Variants in ATP10A observed in about 807,000 individuals in gnomAD.
The protein encoded by ATP10A is phospholipid-transporting ATPase VA.
Under a neutral mutation model 147.8 loss-of-function variants are expected in ATP10A, and 111 were observed. The ratio of observed to expected loss-of-function variants is 0.75; its 90% CI spans 0.64 to 0.88. The LOEUF (loss-of-function observed/expected upper bound fraction) is 0.88, where lower values mean the gene tolerates loss of function less well. Ranked by LOEUF, ATP10A falls within the 40% of genes least tolerant of loss-of-function variation. The pLI is 0.00. For synonymous variants in ATP10A, 875 were observed against 841.6 expected (o/e 1.04, Z -0.69); for missense variants, 1,927 against 1,959.0 (o/e 0.98, Z 0.31).
chr15:25,802,112 G>A lies in ATP10A; in HGVS notation c.450-20889C>T, dbSNP rs555795024. Among the ~76,000 whole-genome samples the A allele has an allele frequency of 2.4e-3, 373 of 152,258 alleles. 4 individuals carry two copies. Among genetic ancestry groups the A allele is most frequent in the African/African-American group, 8.3e-3 (343 of 41,552 alleles). ...TCCTGTGTTGACTCGGTAAAATGTT[G>A]CTTTTGGGCCAAAACTCTATTTGGG... On this transcript the variant is annotated intron_variant, in intron 1 of 20. Transcript: ENST00000555815.
chr15:25,778,640 T>G (rs140477274), intron 2 of ATP10A, among the ~76,000 whole-genome samples: 43 of 152,264 alleles, frequency 2.8e-4, no homozygotes, highest in East Asian at 2.7e-3. Flanking sequence ...TTTGACCAGA[T>G]CATGGCTCAA....
chr15:25,784,536 T>C (rs1890069806), intron 1 of ATP10A, among the ~76,000 whole-genome samples: 2 of 152,134 alleles, frequency 1.3e-5, no homozygotes, highest in South Asian at 4.1e-4. Flanking sequence ...CATGGAGAGA[T>C]GGGGGTGCCA....
chr15:25,674,133 T>C (rs1405152128), downstream of ATP10A, among the ~76,000 whole-genome samples: 1 of 152,172 alleles, frequency 6.6e-6, no homozygotes, highest in East Asian at 1.9e-4. Flanking sequence ...GGGCATGAGT[T>C]GCATGGTGCC....
intron 3 of ATP10A, among the ~76,000 whole-genome samples, chr15:25,732,558 CTT>C (rs36120691): frequency 3.6e-5 from 3 of 84,140 alleles, no homozygotes; most frequent in African/African-American, 9.2e-5. Context: ...GCGACACCTT[CTT>C]TTTTTTTTTT....
At position 25,714,328 on chromosome 15, in the gene ATP10A, A is replaced by G. The variant is rs1207295780; in HGVS notation, c.1777-87T>C. 2.4e-6 allele frequency: 3 copies of G among 1,250,022 alleles called. No homozygotes were observed. The African/African-American group carries it at 4.5e-5, about 19-fold the overall frequency. The allele number at this position is 1,250,022 out of a possible 1,614,324, so 77.4% of individuals were successfully genotyped here. A position where few individuals can be genotyped will look rare whatever the true frequency, so the allele number is the denominator to read the frequency against. On this transcript the variant is annotated intron_variant, in intron 9 of 20. Transcript: ENST00000555815. ...CTGGTTCCCACAGGATGCTCCAGGC[A>G]CTTGGAGGAACAATGACCTCGCTTC... is the stretch of plus-strand genomic sequence containing the variant.
intron 12 of ATP10A, among the ~76,000 whole-genome samples, chr15:25,703,039 T>A (rs1809527): frequency 6.6e-6 from 1 of 152,122 alleles, no homozygotes; most frequent in Non-Finnish European, 1.5e-5. Context: ...TGGGGCTCCC[T>A]CGATGGGATC....
chr15:25,698,506 T>C (rs1215274556), intron 13 of ATP10A, among the ~76,000 whole-genome samples: 1 of 150,380 alleles, frequency 6.6e-6, no homozygotes, highest in African/African-American at 2.4e-5. Flanking sequence ...TAGGTGGTAA[T>C]TGACTATTTG....
intron 1 of ATP10A, among the ~76,000 whole-genome samples, chr15:25,811,150 G>C (rs955615827): frequency 4.6e-5 from 7 of 152,206 alleles, no homozygotes; most frequent in Non-Finnish European, 7.3e-5. Flanking sequence ...TTCAGCGCGA[G>C]GTGGGACACA....
Position 25,716,731 on chromosome 15 carries a change from T to G in ATP10A, c.1775A>C (p.Lys592Thr), listed in dbSNP as rs1404591363. ...VVTSPDQPRT[K>T]VRVRFELKSP... The stretch of plus-strand genomic sequence containing the variant: ...GCTCAGGGACCCTCCAGAACTTGCC[T>G]TTGTTCGTGGCTGATCCGGGGACGT... Residue 592 changes from lysine to threonine, a missense_variant and splice_region_variant, in exon 9 of 21, where the codon AAG (lysine) becomes ACG (threonine). Physicochemically the swap from Lys to Thr is moderately conservative, Grantham distance 78 (BLOSUM62 -1). Transcript: ENST00000555815. 1 of 1,575,432 alleles carries G rather than the reference T, an allele frequency of 6.3e-7. No individual in the cohort carries two copies. The highest frequency in any genetic ancestry group is 1.8e-5 in the Admixed American group (1 of 56,412).
intron 1 of ATP10A, among the ~76,000 whole-genome samples, chr15:25,837,437 G>A (rs528143513): frequency 2.6e-5 from 4 of 152,290 alleles, no homozygotes; most frequent in African/African-American, 9.6e-5. Context: ...GTGATCTCAC[G>A]CTAACAAACA....
At chr15:25,764,472 G>T (rs1190136678) in intron 2 of ATP10A, among the ~76,000 whole-genome samples, 1 of 152,118 alleles carries the variant, frequency 6.6e-6, no homozygotes, top group Non-Finnish European at 1.5e-5. Context: ...TCACGAGTGG[G>T]ATTAGTGCCC....
Position 25,716,755 on chromosome 15 carries a change from G to C in ATP10A, c.1751C>G (p.Thr584Arg). 1 of 1,596,400 alleles carries C rather than the reference G, an allele frequency of 6.3e-7. No individual in the cohort carries two copies. Among genetic ancestry groups the C allele is most frequent in the Non-Finnish European group, 8.5e-7 (1 of 1,171,146 alleles). The change falls in exon 9 of 21, where the codon ACG becomes AGG. Residue 584 changes from threonine (T) to arginine (R), a missense_variant. By Grantham distance (71) the Thr-to-Arg change is moderately conservative. Coordinates refer to ENST00000555815, the MANE Select transcript of ATP10A (RefSeq NM_024490.4). ...CTTTGTTCGTGGCTGATCCGGGGACGTGACGACGACTGTGTTGCAGATGGT... is the reference window on the plus strand; with the variant it reads ...CTTTGTTCGTGGCTGATCCGGGGACCTGACGACGACTGTGTTGCAGATGGT... ...ALTICNTVVV[T>R]SPDQPRTKVR...
rs180828352 is a variant in ATP10A at position 25,761,355 on chromosome 15, G to A, written c.654+19664C>T. 3.8e-3 allele frequency among the ~76,000 whole-genome samples: 582 copies of A among 152,364 alleles called. 4 individuals are homozygous for A. Among genetic ancestry groups the A allele is most frequent in the African/African-American group, 0.013 (557 of 41,582 alleles). On this transcript the variant is annotated intron_variant, in intron 2 of 20. Coordinates refer to ENST00000555815, the MANE Select transcript of ATP10A (RefSeq NM_024490.4). ...CTGGGTAATTTATAAAGGAAAGAGA[G>A]TTAATTGACTCACACTTACCACAGA... is the stretch of plus-strand genomic sequence containing the variant.
intron 1 of ATP10A, among the ~76,000 whole-genome samples, chr15:25,845,428 C>G (rs549370949): frequency 2.0e-5 from 3 of 152,116 alleles, no homozygotes; most frequent in African/African-American, 7.2e-5. Flanking sequence ...CACACTGAGC[C>G]TCCCCGGAAC....
chr15:25,837,550 C>T (rs139704072), intron 1 of ATP10A, among the ~76,000 whole-genome samples: 15 of 152,250 alleles, frequency 9.9e-5, no homozygotes, highest in East Asian at 7.7e-4. Flanking sequence ...GGCTGCAGGA[C>T]GCATAAACCT....
chr15:25,843,598 A>T (rs1892902560), intron 1 of ATP10A, among the ~76,000 whole-genome samples: 1 of 152,170 alleles, frequency 6.6e-6, no homozygotes, highest in Non-Finnish European at 1.5e-5. Context: ...GACACCTATG[A>T]GTGAATACAG....
At chr15:25,735,729 G>A (rs575052409) in intron 3 of ATP10A, among the ~76,000 whole-genome samples, 1 of 152,276 alleles carries the variant, frequency 6.6e-6, no homozygotes, top group East Asian at 1.9e-4. Context: ...CTGCTTCCAC[G>A]TTAACGGGGC....
Position 25,708,182 on chromosome 15 carries a change from G to A in ATP10A, c.2448+15C>T, listed in dbSNP as rs372464128. ...CCACCTGCACGTGCACCCTCGCGGA[G>A]ACACCCCCACTCACTCTCTTGGCGA... On this transcript the variant is annotated intron_variant, in intron 11 of 20. Transcript: ENST00000555815. 6.2e-6 allele frequency: 10 copies of A among 1,614,194 alleles called. No homozygotes were observed. The South Asian group carries it at 1.1e-4, about 18-fold the overall frequency.
intron 1 of ATP10A, among the ~76,000 whole-genome samples, chr15:25,814,530 C>A (rs555819040): frequency 2.0e-5 from 3 of 152,304 alleles, no homozygotes; most frequent in Admixed American, 6.5e-5. Context: ...GAATCCAAAT[C>A]CCATTTGCCC....
Sources: gnomAD v4.1 joint callset for allele counts (sites outside exome capture counted in the v4.1 genomes callset) on GRCh38, gnomAD v4.1.1 for gene constraint, MANE v1.5 for transcripts, NCBI Gene and HGNC (gene_info 2026-07-23, HGNC 2026-07-21) for gene names.